The following FAM120A variants were observed in gnomAD, a reference collection of about 807,000 sequenced individuals.
The protein encoded by FAM120A is constitutive coactivator of PPAR-gamma-like protein 1.
A neutral mutation model predicts 109.7 loss-of-function variants in FAM120A; 15 were observed. The observed-to-expected ratio is 0.14, with a 90% CI of 0.09 to 0.21. The LOEUF is 0.21. Among genes scored for constraint, FAM120A ranks in the 10% least tolerant of loss-of-function variants. The probability of loss-of-function intolerance (pLI) is 1.00; values close to 1 mark genes in which losing one functional copy is unlikely to be tolerated. For synonymous variants in FAM120A, 493 were observed against 572.8 expected (o/e 0.86, Z 1.99); for missense variants, 899 against 1,439.3 (o/e 0.62, Z 6.07).
At chr9:93,497,763 C>T (rs1038075324) in intron 4 of FAM120A, among the ~76,000 whole-genome samples, 164 bp downstream of exon 4, 1 of 152,184 alleles carries the variant, frequency 6.6e-6, no homozygotes, top group African/African-American at 2.4e-5. Flanking sequence ...GTTGCAAGGC[C>T]AGAGGCTGAG....
chr9:93,535,591 A>G (rs1270732099), intron 10 of FAM120A, among the ~76,000 whole-genome samples: 4 of 152,204 alleles, frequency 2.6e-5, no homozygotes, highest in African/African-American at 9.7e-5. Flanking sequence ...CTGTAATTTC[A>G]GTGGGTGAGA....
intron 14 of FAM120A, 58 bp from the exon 15 acceptor site, chr9:93,558,523 G>T: frequency 6.3e-7 from 1 of 1,589,838 alleles, no homozygotes. Flanking sequence ...ATACCCAGCA[G>T]GGCCCTGAGT....
intron 5 of FAM120A, among the ~76,000 whole-genome samples, chr9:93,501,101 G>A (rs561566424): frequency 6.6e-6 from 1 of 152,302 alleles, no homozygotes; most frequent in East Asian, 1.9e-4. Context: ...GCAGTGAGGA[G>A]CCTGAAGGAG....
chr9:93,517,565 G>A (rs777069650), intron 7 of FAM120A, among the ~76,000 whole-genome samples: 1 of 152,206 alleles, frequency 6.6e-6, no homozygotes, highest in Non-Finnish European at 1.5e-5. Context: ...ATGTCAGCAA[G>A]GTCCAAGTGT....
intron 3 of FAM120A, among the ~76,000 whole-genome samples, chr9:93,482,378 A>G (rs1858858118): frequency 6.6e-6 from 1 of 151,884 alleles, no homozygotes; most frequent in Admixed American, 6.6e-5. Context: ...TTTAGTAGAG[A>G]CGGGATTTCA....
chr9:93,543,432 A>C lies in FAM120A; in HGVS notation c.2120A>C (p.Asn707Thr). The stretch of plus-strand genomic sequence containing the variant: ...ACCCCAGCCATGCTCAACCCTGCCA[A>C]CGTGCCCACTCACCTCATGGTGCTC... Reference protein sequence around the residue: ...SDTPAMLNPANVPTHLMVLCC... With the variant: ...SDTPAMLNPATVPTHLMVLCC... The change falls in exon 11 of 18, where the codon AAC becomes ACC. Residue 707 changes from asparagine to threonine, a missense_variant. By Grantham distance (65) the Asn-to-Thr change is moderately conservative. Around this residue, in one of 11 missense-constraint regions of FAM120A, gnomAD observed 133 missense variants for 276.6 expected, o/e 0.48. Coordinates refer to ENST00000277165, the MANE Select transcript of FAM120A (RefSeq NM_014612.5). The C allele has an allele frequency of 6.2e-7, 1 of 1,614,170 alleles. No individual in the cohort carries two copies. The highest frequency in any genetic ancestry group is 8.5e-7 in the Non-Finnish European group (1 of 1,180,028).
chr9:93,458,542 AC>A (rs1464380646), intron 1 of FAM120A, among the ~76,000 whole-genome samples: 1 of 151,912 alleles, frequency 6.6e-6, no homozygotes, highest in Non-Finnish European at 1.5e-5. Context: ...TTTTTCCAGT[AC>A]CCCCAACATT....
intron 1 of FAM120A, chr9:93,453,084 TC>T (rs564828102): frequency 1.6e-4 from 166 of 1,068,134 alleles, no homozygotes; most frequent in Non-Finnish European, 1.9e-4. Flanking sequence ...TTCTGTGACT[TC>T]ACGTCCGTGT....
At chr9:93,453,210 A>G (rs1857363918) in intron 1 of FAM120A, 2 of 1,005,242 alleles carry the variant, frequency 2.0e-6, no homozygotes, top group Non-Finnish European at 2.4e-6. Flanking sequence ...TCGGGTGCAC[A>G]GTAAGTATTC....
rs78055992 is a variant in FAM120A at position 93,500,619 on chromosome 9, G to T, written c.1030+1733G>T. On this transcript the variant is annotated intron_variant, in intron 5 of 17. Coordinates refer to ENST00000277165, the MANE Select transcript of FAM120A (RefSeq NM_014612.5). This position sits in a 1 kb window ranked among gnomAD's most constrained non-coding sequence, Gnocchi z 4.6. ...GGATAAATATTTGACTGAATGAATT[G>T]ATCCACTTGGTTTTTAAATCAAGAG... is the stretch of plus-strand genomic sequence containing the variant. 7.8e-3 allele frequency among the ~76,000 whole-genome samples: 1,185 copies of T among 152,296 alleles called. 16 individuals are homozygous for T. Among genetic ancestry groups the T allele is most frequent in the African/African-American group, 0.026 (1,078 of 41,544 alleles).
intron 7 of FAM120A, among the ~76,000 whole-genome samples, chr9:93,526,586 C>T (rs558789260): frequency 5.9e-5 from 9 of 152,072 alleles, no homozygotes; most frequent in African/African-American, 9.7e-5. Flanking sequence ...TCTGTGAACC[C>T]ACCAAGTTTG....
At chr9:93,464,448 A>G (rs762153599) in intron 1 of FAM120A, among the ~76,000 whole-genome samples, 10 of 152,276 alleles carry the variant, frequency 6.6e-5, no homozygotes, top group Middle Eastern at 6.8e-3. Flanking sequence ...GACACCTACC[A>G]TATTTCTTGG....
At chr9:93,506,070 C>T (rs535725557) in intron 5 of FAM120A, among the ~76,000 whole-genome samples, 3 of 152,242 alleles carry the variant, frequency 2.0e-5, no homozygotes, top group South Asian at 2.1e-4. Context: ...AGGATTATGC[C>T]GTTCTAGTTG....
intron 10 of FAM120A, among the ~76,000 whole-genome samples, chr9:93,535,095 G>C (rs953203813): frequency 1.3e-5 from 2 of 152,240 alleles, no homozygotes; most frequent in Non-Finnish European, 2.9e-5. Context: ...CCTTAGAGCA[G>C]TGTGCAGCAG....
chr9:93,564,302 C>T lies in FAM120A; in HGVS notation c.3119C>T (p.Ser1040Phe). 1 of 1,614,238 alleles carries T rather than the reference C, an allele frequency of 6.2e-7. No individual in the cohort carries two copies. Among genetic ancestry groups the T allele is most frequent in the East Asian group, 2.2e-5 (1 of 44,888 alleles). Reference sequence around the variant, plus strand: ...AAGTCAAAATCTGGGGAATCGAAGTCCTCTGCTATGTCTTCAGACGGGTCC... The same window carrying T: ...AAGTCAAAATCTGGGGAATCGAAGTTCTCTGCTATGTCTTCAGACGGGTCC... ...ELKSKSGESK[S>F]SAMSSDGSLA... The change falls in exon 18 of 18, where the codon TCC becomes TTC. Residue 1040 changes from serine to phenylalanine, a missense_variant. Physicochemically the swap from Ser to Phe is radical, Grantham distance 155 (BLOSUM62 -2). Around this residue, in one of 11 missense-constraint regions of FAM120A, gnomAD observed 170 missense variants for 205.0 expected, o/e 0.83. Transcript: ENST00000277165.
At chr9:93,564,095 C>A in intron 17 of FAM120A, 134 bp from the exon 18 acceptor site, 1 of 833,442 alleles carries the variant, frequency 1.2e-6, no homozygotes, top group Non-Finnish European at 1.9e-6. Context: ...AAAGCAAAGA[C>A]AGGGTTAGAA....
intron 5 of FAM120A, among the ~76,000 whole-genome samples, chr9:93,510,837 C>T (rs1860284421): frequency 4.0e-5 from 6 of 151,452 alleles, no homozygotes; most frequent in Admixed American, 3.9e-4. Flanking sequence ...TAATTAAACC[C>T]AGGAACTGAA....
At chr9:93,480,764 C>T (rs1275316398) in intron 3 of FAM120A, among the ~76,000 whole-genome samples, 11 of 152,040 alleles carry the variant, frequency 7.2e-5, no homozygotes, top group Admixed American at 7.2e-4. Context: ...AATATCCTTT[C>T]AATGTGTTTT....
chr9:93,558,111 C>A, intron 14 of FAM120A, 101 bp downstream of exon 14: 1 of 1,237,232 alleles, frequency 8.1e-7, no homozygotes, highest in Non-Finnish European at 1.1e-6. Context: ...TTGACCTTGT[C>A]ACTGTTGGTC....
Sources: gnomAD v4.1 joint callset for allele counts (sites outside exome capture counted in the v4.1 genomes callset) on GRCh38, gnomAD v4.1.1 for gene constraint, gnomAD v4.1.1 regional missense constraint, Gnocchi (gnomAD v3.1) non-coding constraint, MANE v1.5 for transcripts, NCBI Gene and HGNC (gene_info 2026-07-23, HGNC 2026-07-21) for gene names.